The following SORD variants were observed in gnomAD, a reference collection of about 807,000 sequenced individuals.
SORD encodes the protein sorbitol dehydrogenase, also known as (R,R)-butanediol dehydrogenase.
A neutral mutation model predicts 35.6 loss-of-function variants in SORD; 18 were observed. The observed-to-expected ratio is 0.51, with a 90% CI of 0.35 to 0.75. The LOEUF is 0.75. Ranked by LOEUF, SORD falls within the 30% of genes least tolerant of loss-of-function variation. The pLI is 0.01. For synonymous variants in SORD, 106 were observed against 152.9 expected (o/e 0.69, Z 2.26); for missense variants, 250 against 390.2 (o/e 0.64, Z 3.03).
intron 4 of SORD, among the ~76,000 whole-genome samples, chr15:45,062,047 T>C (rs1331925859): frequency 6.6e-6 from 1 of 152,016 alleles, no homozygotes; most frequent in African/African-American, 2.4e-5. Flanking sequence ...TCAGTTTCAT[T>C]TAATCGCCAA....
chr15:45,068,292 G>C (rs376799428), intron 6 of SORD, 46 bp downstream of exon 6: 10 of 1,420,442 alleles, frequency 7.0e-6, no homozygotes, highest in South Asian at 5.7e-5. Flanking sequence ...GAAACAGCGG[G>C]TCCTACTGTA....
chr15:45,067,284 C>T (rs1273547524), intron 5 of SORD, among the ~76,000 whole-genome samples: 2 of 152,094 alleles, frequency 1.3e-5, no homozygotes, highest in Non-Finnish European at 2.9e-5. Context: ...ATTGCTTGAA[C>T]CCGGGAGGCG....
At chr15:45,048,833 A>G (rs1429383826) in intron 3 of SORD, among the ~76,000 whole-genome samples, 2 of 152,156 alleles carry the variant, frequency 1.3e-5, no homozygotes, top group African/African-American at 4.8e-5. Context: ...GTTGAATACA[A>G]AGGTTTTTAT....
In SORD at chr15:45,023,217, G is replaced by A. The variant is rs1291051813; in HGVS notation, c.-67G>A. On this transcript the variant is annotated 5_prime_UTR_variant, in exon 1 of 9. Transcript: ENST00000267814. ...TCCAGTGCCCTGGACCCTCGGCTGGGTAGCGCCACCAGAGCGACCAAACGT... is the reference window on the plus strand; with the variant it reads ...TCCAGTGCCCTGGACCCTCGGCTGGATAGCGCCACCAGAGCGACCAAACGT... The A allele has an allele frequency of 4.3e-6, 6 of 1,383,518 alleles. No individual in the cohort carries two copies. Among genetic ancestry groups the A allele is most frequent in the African/African-American group, 1.5e-5 (1 of 68,088 alleles). 85.7% of individuals were successfully genotyped at this position (1,383,518 alleles called of 1,614,324 possible).
chr15:45,069,749 G>A (rs1012404780), intron 7 of SORD: 6 of 152,168 alleles, frequency 3.9e-5, no homozygotes, highest in Non-Finnish European at 8.8e-5. Context: ...TTTTATTGAG[G>A]AAAACTGCAG....
At chr15:45,055,138 T>A (rs1049119431) in intron 3 of SORD, among the ~76,000 whole-genome samples, 8 of 152,216 alleles carry the variant, frequency 5.3e-5, no homozygotes, top group African/African-American at 1.9e-4. Context: ...GGCTCTTTTT[T>A]GGTTCCATAT....
chr15:45,027,879 T>C (rs1892702737), intron 1 of SORD, among the ~76,000 whole-genome samples: 1 of 152,280 alleles, frequency 6.6e-6, no homozygotes, highest in African/African-American at 2.4e-5. Flanking sequence ...GGGGAATTAA[T>C]ATATTGACTG....
intron 1 of SORD, among the ~76,000 whole-genome samples, chr15:45,038,164 CTT>C (rs1215016115): frequency 8.8e-5 from 13 of 147,560 alleles, no homozygotes; most frequent in Non-Finnish European, 1.9e-4. Flanking sequence ...TCCTTCCTTC[CTT>C]CCTTCCTTCC....
chr15:45,061,695 A>G lies in SORD; in HGVS notation c.425+469A>G, dbSNP rs1017100248. 3.3e-5 allele frequency among the ~76,000 whole-genome samples: 5 copies of G among 151,798 alleles called. No homozygotes were observed. In the South Asian group the frequency reaches 6.2e-4, roughly 19 times the overall value. On this transcript the variant is annotated intron_variant, in intron 4 of 8. Coordinates refer to ENST00000267814, the MANE Select transcript of SORD (RefSeq NM_003104.6). The stretch of plus-strand genomic sequence containing the variant: ...TTCCTGGCTAACACGGTGAAACCCC[A>G]TCTCTACTAAAAAAATACAAAAAAT...
At chr15:45,040,274 G>A (rs2141269143) in intron 1 of SORD, 134 bp from the exon 2 acceptor site, 1 of 648,586 alleles carries the variant, frequency 1.5e-6, no homozygotes, top group East Asian at 2.8e-5. Context: ...CCCAGGAGCA[G>A]TGTGGTCTGA....
intron 5 of SORD, among the ~76,000 whole-genome samples, chr15:45,065,696 G>A (rs1275911337): frequency 1.3e-5 from 2 of 152,162 alleles, no homozygotes; most frequent in African/African-American, 4.8e-5. Flanking sequence ...AAAGCCGGTG[G>A]ATCACCTGAG....
At chr15:45,030,550 T>A (rs1814537) in intron 1 of SORD, among the ~76,000 whole-genome samples, 16,107 of 150,334 alleles carry the variant, frequency 0.11, no homozygotes, top group African/African-American at 0.36. Context: ...AATATTCAAT[T>A]ACATAGACCC....
intron 1 of SORD, among the ~76,000 whole-genome samples, chr15:45,037,045 C>T (rs975482513): frequency 6.6e-6 from 1 of 152,190 alleles, no homozygotes; most frequent in Admixed American, 6.5e-5. Flanking sequence ...AACCTACAGG[C>T]TGATGTTAAA....
chr15:45,029,553 C>T (rs1892736871), intron 1 of SORD, among the ~76,000 whole-genome samples: 1 of 152,286 alleles, frequency 6.6e-6, no homozygotes, highest in Non-Finnish European at 1.5e-5. Flanking sequence ...TGTTACAGTG[C>T]TCCTTTATTT....
chr15:45,056,541 C>A (rs1164674568), intron 3 of SORD, among the ~76,000 whole-genome samples: 1 of 152,170 alleles, frequency 6.6e-6, no homozygotes, highest in African/African-American at 2.4e-5. Flanking sequence ...GAATCAATAT[C>A]GTGAAAATGG....
intron 3 of SORD, among the ~76,000 whole-genome samples, chr15:45,049,054 A>C (rs766515359): frequency 2.6e-5 from 4 of 152,136 alleles, no homozygotes; most frequent in Non-Finnish European, 5.9e-5. Context: ...TACATGCCTG[A>C]AAAGGGGAGG....
In SORD at chr15:45,030,661, A is replaced by T. The variant is rs764106271; in HGVS notation, c.66+7312A>T. 1.5e-4 allele frequency among the ~76,000 whole-genome samples: 23 copies of T among 152,266 alleles called. 1 individual carries two copies. The highest frequency in any genetic ancestry group is 2.9e-4 in the Non-Finnish European group (20 of 68,048). The stretch of plus-strand genomic sequence containing the variant: ...TCCATATATAGAACCATTTAATAAG[A>T]TCATGTATGGTTATGTTCATACACT... On this transcript the variant is annotated intron_variant, in intron 1 of 8. Coordinates refer to ENST00000267814, the MANE Select transcript of SORD (RefSeq NM_003104.6).
intron 1 of SORD, among the ~76,000 whole-genome samples, chr15:45,027,789 A>C (rs541568152): frequency 6.6e-6 from 1 of 152,366 alleles, no homozygotes; most frequent in East Asian, 1.9e-4. Context: ...TTTTTACCCC[A>C]TAGAAGCTAT....
At chr15:45,039,364 G>T (rs1455615774) in intron 1 of SORD, among the ~76,000 whole-genome samples, 1 of 152,180 alleles carries the variant, frequency 6.6e-6, no homozygotes, top group Non-Finnish European at 1.5e-5. Context: ...CTGACCTCAA[G>T]TGATCCGCCC....
Sources: gnomAD v4.1 joint callset for allele counts (sites outside exome capture counted in the v4.1 genomes callset) on GRCh38, gnomAD v4.1.1 for gene constraint, MANE v1.5 for transcripts, NCBI Gene and HGNC (gene_info 2026-07-23, HGNC 2026-07-21) for gene names.